MRTFA: variants seen among roughly 807,000 people sequenced by gnomAD.
The protein encoded by MRTFA is myocardin-related transcription factor A.
Under a neutral mutation model 83.5 loss-of-function variants are expected in MRTFA, and 20 were observed. The ratio of observed to expected loss-of-function variants is 0.24; its 90% CI spans 0.17 to 0.35. The LOEUF is 0.35. MRTFA is among the 10% of genes least tolerant of loss of function. The pLI, the probability that MRTFA is intolerant of heterozygous loss-of-function variation, is 1.00. For missense variants in MRTFA, 1,200 were observed against 1,224.7 expected (o/e 0.98, Z 0.30); for synonymous variants, 659 against 541.2 (o/e 1.22, Z -3.02).
chr22:40,446,934 A>G (rs1365166740), intron 4 of MRTFA, among the ~76,000 whole-genome samples: 2 of 152,252 alleles, frequency 1.3e-5, no homozygotes, highest in Non-Finnish European at 2.9e-5. Context: ...GAAGAAAGAT[A>G]TACATAAAAC....
At position 40,420,983 on chromosome 22, in the gene MRTFA, C is replaced by A; in HGVS notation, c.1045G>T (p.Asp349Tyr). Residue 349 changes from aspartate to tyrosine, a missense_variant, in exon 10 of 15, where the codon GAC (aspartate) becomes TAC (tyrosine). By Grantham distance (160) the Asp-to-Tyr change is radical. Around this residue, in one of 2 missense-constraint regions of MRTFA, gnomAD observed 1,107 missense variants for 1,041.8 expected, o/e 1.06. Coordinates refer to ENST00000355630, the MANE Select transcript of MRTFA (RefSeq NM_020831.6). ...GAGTCCATGGGGGGTGCCCCCCTGT[C>A]CTGCTTCTGGTCCGGGGGGATGTAC... The A allele has an allele frequency of 6.2e-7, 1 of 1,610,360 alleles. No homozygotes were observed. Among genetic ancestry groups the A allele is most frequent in the South Asian group, 1.1e-5 (1 of 90,790 alleles).
intron 1 of MRTFA, among the ~76,000 whole-genome samples, chr22:40,618,276 G>A (rs1295854754): frequency 3.5e-5 from 5 of 141,654 alleles, no homozygotes; most frequent in African/African-American, 1.3e-4. Context: ...TTTTTTAGTA[G>A]AGATGGGGTT....
intron 1 of MRTFA, among the ~76,000 whole-genome samples, chr22:40,629,131 C>CA (rs1332912051): frequency 1.3e-5 from 2 of 151,708 alleles, no homozygotes; most frequent in Admixed American, 6.6e-5. Context: ...CTCTTCTCTA[C>CA]AAAAAAAATT....
intron 3 of MRTFA, among the ~76,000 whole-genome samples, chr22:40,529,733 T>C (rs1055864729): frequency 2.4e-4 from 37 of 152,142 alleles, no homozygotes; most frequent in African/African-American, 8.9e-4. Flanking sequence ...AGTGTATAGG[T>C]TGTGCTGTAT....
chr22:40,605,658 G>T (rs918491901), intron 1 of MRTFA, among the ~76,000 whole-genome samples: 1 of 152,176 alleles, frequency 6.6e-6, no homozygotes, highest in Non-Finnish European at 1.5e-5. Context: ...TTACCAAGAA[G>T]AATTTTAAAT....
intron 3 of MRTFA, among the ~76,000 whole-genome samples, chr22:40,529,930 CCT>C (rs2055048276): frequency 1.3e-5 from 2 of 152,154 alleles, no homozygotes; most frequent in African/African-American, 2.4e-5. Context: ...CCAGAGACAT[CCT>C]GTGCATGGAC....
At position 40,442,214 on chromosome 22, in the gene MRTFA, G is replaced by C. The variant is rs5995852; in HGVS notation, c.308-6660C>G. ...GAATATGTATTAAGTGTCTAGGTCT[G>C]AATGTTGCTTTATTAGGTGTTATCG... On this transcript the variant is annotated intron_variant, in intron 4 of 14. Coordinates refer to ENST00000355630, the MANE Select transcript of MRTFA (RefSeq NM_020831.6). 2.2e-3 allele frequency among the ~76,000 whole-genome samples: 340 copies of C among 152,292 alleles called. 3 individuals carry two copies. The highest frequency in any genetic ancestry group is 0.014 in the Middle Eastern group (4 of 294).
At position 40,539,325 on chromosome 22, in the gene MRTFA, G is replaced by A. The variant is rs889805177; in HGVS notation, c.241+12781C>T. ...TAGTTTTAAGTTGTTTAACAGTTTT[G>A]GCAGTTATTAACAATTTTTTTTTTT... On this transcript the variant is annotated intron_variant, in intron 3 of 14. Coordinates refer to ENST00000355630, the MANE Select transcript of MRTFA (RefSeq NM_020831.6). 8.0e-5 allele frequency among the ~76,000 whole-genome samples: 12 copies of A among 150,022 alleles called. No individual in the cohort carries two copies. The South Asian group carries it at 2.5e-3, about 32-fold the overall frequency.
chr22:40,414,331 C>T lies in MRTFA; in HGVS notation c.2579-2424G>A, dbSNP rs946678501. Among the ~76,000 whole-genome samples the T allele has an allele frequency of 1.0e-4, 15 of 147,242 alleles. No homozygotes were observed. The East Asian group carries it at 1.9e-3, about 19-fold the overall frequency. On this transcript the variant is annotated intron_variant, in intron 14 of 14. Transcript: ENST00000355630. ...GCACTCCAATCTGGGCAACAGACTC[C>T]GTCTCCAAGGAAAAAAAAAGAAGAA...
chr22:40,459,830 C>T (rs4129752), intron 4 of MRTFA, among the ~76,000 whole-genome samples: 2,520 of 85,944 alleles, frequency 0.029, 76 homozygotes, highest in African/African-American at 0.075. Flanking sequence ...CACATATATA[C>T]ATATATATAT....
rs1267283688 is a variant in MRTFA, at chr22:40,411,820, G to A, written c.2666C>T (p.Ala889Val). 2.0e-6 allele frequency: 3 copies of A among 1,515,708 alleles called. No homozygotes were observed. Among genetic ancestry groups the A allele is most frequent in the Non-Finnish European group, 2.7e-6 (3 of 1,128,616 alleles). The allele number at this position is 1,515,708 out of a possible 1,614,324, so 93.9% of individuals were successfully genotyped here. Residue 889 changes from alanine (A) to valine (V), a missense_variant, in exon 15 of 15, where the codon GCA (alanine) becomes GTA (valine). This residue lies in a region of MRTFA where 1,107 missense variants were observed against 1,041.8 expected (regional missense o/e 1.06). Coordinates refer to ENST00000355630, the MANE Select transcript of MRTFA (RefSeq NM_020831.6). ...GAGCTCAGCAGAAGGTGATGGCTGT[G>A]CTGCCAGGGGGGACCCACAGACTGT...
In MRTFA at chr22:40,530,135, A is replaced by C. The variant is rs537122315; in HGVS notation, c.241+21971T>G. Among the ~76,000 whole-genome samples, 4 of 152,268 alleles carry C rather than the reference A, an allele frequency of 2.6e-5. No individual in the cohort carries two copies. The South Asian group carries it at 8.3e-4, about 32-fold the overall frequency. Reference sequence around the variant, plus strand: ...TAACTAAGAGGACTGCACTAGATGGATACACCTTAGGGCCTGTCTAGTCAA... The same window carrying C: ...TAACTAAGAGGACTGCACTAGATGGCTACACCTTAGGGCCTGTCTAGTCAA... On this transcript the variant is annotated intron_variant, in intron 3 of 14. Coordinates refer to ENST00000355630, the MANE Select transcript of MRTFA (RefSeq NM_020831.6).
intron 14 of MRTFA, among the ~76,000 whole-genome samples, chr22:40,414,077 G>A (rs1486147175): frequency 6.6e-6 from 1 of 152,180 alleles, no homozygotes; most frequent in Non-Finnish European, 1.5e-5. Flanking sequence ...GTTGGCTCAT[G>A]CGTGTAATCC....
rs77370925 is a variant in MRTFA, at chr22:40,418,593, G to T, written c.2145C>A (p.Ala715=). ...TCACCACCACGGACGGGGGCCCCGG[G>T]GCCACAGCACAAGGGTCTATGTGGT... is the stretch of plus-strand genomic sequence containing the variant. Residue 715 remains alanine, a synonymous_variant, in exon 12 of 15, where the codon GCC becomes GCA. Transcript: ENST00000355630. 4 of 1,546,348 alleles carry T rather than the reference G, an allele frequency of 2.6e-6. No homozygotes were observed. The highest frequency in any genetic ancestry group is 3.5e-6 in the Non-Finnish European group (4 of 1,153,284).
At chr22:40,447,321 C>T (rs2053398859) in intron 4 of MRTFA, among the ~76,000 whole-genome samples, 1 of 151,174 alleles carries the variant, frequency 6.6e-6, no homozygotes, top group East Asian at 1.9e-4. Flanking sequence ...CCACTGCTCT[C>T]CAGCCTAAGT....
intron 1 of MRTFA, among the ~76,000 whole-genome samples, chr22:40,596,358 G>C (rs908521650): frequency 6.6e-6 from 1 of 152,206 alleles, no homozygotes; most frequent in South Asian, 2.1e-4. Flanking sequence ...TAAATGAATT[G>C]TGGTTTTTAA....
chr22:40,440,137 G>A (rs1320236929), intron 4 of MRTFA, among the ~76,000 whole-genome samples: 2 of 141,898 alleles, frequency 1.4e-5, no homozygotes, highest in Non-Finnish European at 3.0e-5. Context: ...GGGTGACAGA[G>A]TGAGACTCCG....
chr22:40,545,244 G>A (rs1602411392), intron 3 of MRTFA, among the ~76,000 whole-genome samples: 1 of 152,084 alleles, frequency 6.6e-6, no homozygotes, highest in East Asian at 1.9e-4. Flanking sequence ...CAGCCTAGAA[G>A]ACAGAGGAGT....
intron 2 of MRTFA, among the ~76,000 whole-genome samples, chr22:40,563,849 A>T (rs983811776): frequency 1.3e-5 from 2 of 152,232 alleles, no homozygotes; most frequent in African/African-American, 2.4e-5. Flanking sequence ...TTAGCCAATC[A>T]CATGGTTCAA....
Sources: allele counts gnomAD v4.1 joint callset (sites outside exome capture counted in the v4.1 genomes callset), GRCh38; gene constraint gnomAD v4.1.1; regional missense constraint gnomAD v4.1.1; transcripts MANE v1.5; gene names NCBI Gene and HGNC (gene_info 2026-07-23, HGNC 2026-07-21).